The following GRID1 variants were observed in gnomAD, a reference collection of about 807,000 sequenced individuals.
GRID1 encodes glutamate receptor ionotropic, delta-1.
In GRID1, 28 loss-of-function variants were observed where a neutral mutation model predicts 98.0. That is an observed-to-expected ratio of 0.29 (90% CI 0.21 to 0.39). The LOEUF (loss-of-function observed/expected upper bound fraction) is 0.39. GRID1 is among the 10% of genes least tolerant of loss of function. The pLI, the probability that GRID1 is intolerant of heterozygous loss-of-function variation, is 1.00. For synonymous variants in GRID1, 553 were observed against 538.5 expected, an observed-to-expected ratio of 1.03 and a Z score of -0.37; for missense variants, 1,111 against 1,340.5, an observed-to-expected ratio of 0.83 and a Z score of 2.67.
chr10:86,360,818 C>T (rs1012314677), intron 2 of GRID1, among the ~76,000 whole-genome samples: 2 of 152,178 alleles, frequency 1.3e-5, no homozygotes, highest in African/African-American at 4.8e-5. Flanking sequence ...CAGGGTCACA[C>T]CACGAGTGAA....
intron 12 of GRID1, among the ~76,000 whole-genome samples, chr10:85,705,433 C>A (rs532129836): frequency 1.3e-5 from 2 of 152,218 alleles, no homozygotes; most frequent in African/African-American, 2.4e-5. Context: ...CTGAATAGAC[C>A]AATAACAGCC....
At chr10:86,210,335 G>A (rs1846090772) in intron 2 of GRID1, among the ~76,000 whole-genome samples, 1 of 152,104 alleles carries the variant, frequency 6.6e-6, no homozygotes, top group Admixed American at 6.5e-5. Context: ...TTCCAGTTTT[G>A]GCTCCTCCGG....
At chr10:85,933,638 A>G (rs1841888709) in intron 4 of GRID1, among the ~76,000 whole-genome samples, 1 of 152,194 alleles carries the variant, frequency 6.6e-6, no homozygotes, top group Admixed American at 6.5e-5. Context: ...AACAGACACA[A>G]CTTCATAGAG....
chr10:85,625,007 A>G (rs946207976), intron 13 of GRID1, among the ~76,000 whole-genome samples: 47 of 152,332 alleles, frequency 3.1e-4, no homozygotes, highest in Middle Eastern at 3.4e-3. Context: ...ATATTTATAT[A>G]TAGACATATA....
chr10:85,991,914 C>T (rs1384105552), intron 4 of GRID1, among the ~76,000 whole-genome samples: 1 of 152,076 alleles, frequency 6.6e-6, no homozygotes, highest in Non-Finnish European at 1.5e-5. Context: ...AGTTTCTAGG[C>T]AGAGCAGCAA....
intron 15 of GRID1, chr10:85,606,932 G>A (rs531865098): frequency 1.9e-4 from 29 of 152,290 alleles, no homozygotes; most frequent in African/African-American, 6.7e-4. Flanking sequence ...TGACAGCTGT[G>A]AAAACAGACT....
At chr10:85,830,768 C>T (rs1842860672) in intron 8 of GRID1, among the ~76,000 whole-genome samples, 1 of 152,026 alleles carries the variant, frequency 6.6e-6, no homozygotes, top group Admixed American at 6.6e-5. Context: ...TGATGTACCA[C>T]CTCACACCAG....
chr10:86,343,328 C>T (rs1210496701), intron 2 of GRID1, among the ~76,000 whole-genome samples: 1 of 152,186 alleles, frequency 6.6e-6, no homozygotes, highest in South Asian at 2.1e-4. Context: ...CATTAACTCA[C>T]AGAGATGGTA....
In GRID1 at chr10:85,731,846, A is replaced by T. The variant is rs529952951; in HGVS notation, c.1234-2232T>A. Among the ~76,000 whole-genome samples the T allele has an allele frequency of 2.8e-3, 328 of 117,554 alleles. 2 individuals carry two copies. The highest frequency in any genetic ancestry group is 9.7e-3 in the African/African-American group (311 of 31,964). The allele number at this position is 117,554 out of a possible 152,430, so 77.1% of individuals were successfully genotyped here. ...AAGGAAGGAAGGAAGGGAGGGAGGG[A>T]GGGAGGAAGAAAGGGAGGGAGGAAG... On this transcript the variant is annotated intron_variant, in intron 8 of 15. Coordinates refer to ENST00000327946, the MANE Select transcript of GRID1 (RefSeq NM_017551.3).
At chr10:85,974,161 T>C (rs1379321470) in intron 4 of GRID1, among the ~76,000 whole-genome samples, 1 of 152,214 alleles carries the variant, frequency 6.6e-6, no homozygotes, top group African/African-American at 2.4e-5. Flanking sequence ...AGCATGCCAT[T>C]GGCCAAAGCA....
intron 4 of GRID1, among the ~76,000 whole-genome samples, chr10:86,017,745 T>C (rs1207666527): frequency 1.3e-5 from 2 of 152,196 alleles, no homozygotes; most frequent in East Asian, 3.9e-4. Context: ...CCCTGATGAT[T>C]GTGAATGATT....
At chr10:85,731,811 A>AG (rs1302007954) in intron 8 of GRID1, among the ~76,000 whole-genome samples, 17 of 135,592 alleles carry the variant, frequency 1.3e-4, no homozygotes, top group African/African-American at 4.0e-4. Flanking sequence ...AAAAAAAAAA[A>AG]AAGAAGAAGA....
Position 86,116,150 on chromosome 10 carries a change from A to T in GRID1, c.726+22669T>A, listed in dbSNP as rs181442169. ...TTCTCAGGATGTATCCTCATCGTTA[A>T]GTGATGCGTGACTGTATGTCTTCTA... On this transcript the variant is annotated intron_variant, in intron 4 of 15. Transcript: ENST00000327946. 4.2e-3 allele frequency among the ~76,000 whole-genome samples: 638 copies of T among 152,328 alleles called. 10 individuals are homozygous for T. Among genetic ancestry groups the T allele is most frequent in the African/African-American group, 0.014 (596 of 41,566 alleles).
At chr10:85,620,092 T>A in intron 13 of GRID1, 59 bp from the exon 14 acceptor site, 3 of 1,439,024 alleles carry the variant, frequency 2.1e-6, no homozygotes, top group Non-Finnish European at 2.9e-6. Flanking sequence ...TCAGCTTTGA[T>A]TGGTGAGCCA....
intron 6 of GRID1, among the ~76,000 whole-genome samples, chr10:85,866,994 A>G (rs1843227332): frequency 6.6e-6 from 1 of 152,166 alleles, no homozygotes; most frequent in African/African-American, 2.4e-5. Context: ...GTCCGGCCAC[A>G]TATCTGGGAG....
intron 4 of GRID1, among the ~76,000 whole-genome samples, chr10:85,983,588 G>C (rs1327116469): frequency 6.6e-6 from 1 of 152,188 alleles, no homozygotes; most frequent in Non-Finnish European, 1.5e-5. Flanking sequence ...GACTTGAACA[G>C]AAGGGACTTC....
At chr10:86,111,404 G>T (rs999253223) in intron 4 of GRID1, among the ~76,000 whole-genome samples, 1 of 152,128 alleles carries the variant, frequency 6.6e-6, no homozygotes. Context: ...CCTCCCCCTG[G>T]CCTGGATAGA....
intron 12 of GRID1, among the ~76,000 whole-genome samples, chr10:85,666,532 T>C (rs1053293742): frequency 2.0e-5 from 3 of 152,162 alleles, no homozygotes; most frequent in African/African-American, 7.2e-5. Context: ...GTAAGAGATT[T>C]AGTTGAGGTT....
intron 12 of GRID1, among the ~76,000 whole-genome samples, chr10:85,716,326 C>T (rs1467614824): frequency 6.6e-6 from 1 of 152,066 alleles, no homozygotes; most frequent in African/African-American, 2.4e-5. Flanking sequence ...AAAACAAACA[C>T]CGCATGTTCT....
Sources: allele counts gnomAD v4.1 joint callset (sites outside exome capture counted in the v4.1 genomes callset), GRCh38; gene constraint gnomAD v4.1.1; transcripts MANE v1.5; gene names NCBI Gene and HGNC (gene_info 2026-07-23, HGNC 2026-07-21).